GRID2: variants seen among roughly 807,000 people sequenced by gnomAD.
GRID2 encodes glutamate receptor ionotropic, delta-2.
Under a neutral mutation model 114.8 loss-of-function variants are expected in GRID2, and 33 were observed. The ratio of observed to expected loss-of-function variants is 0.29; its 90% CI spans 0.22 to 0.38. GRID2 has a LOEUF of 0.38. Ranked by LOEUF, GRID2 falls within the 10% of genes least tolerant of loss-of-function variation. GRID2 has a pLI of 1.00. For synonymous variants in GRID2, 505 were observed against 449.9 expected (o/e 1.12, Z -1.55); for missense variants, 1,184 against 1,257.7 (o/e 0.94, Z 0.89).
chr4:93,382,044 T>C (rs544769604), intron 8 of GRID2, among the ~76,000 whole-genome samples: 1 of 152,232 alleles, frequency 6.6e-6, no homozygotes, highest in African/African-American at 2.4e-5. Context: ...GACAGGTTTA[T>C]TTTCTCTTAG....
chr4:93,575,739 G>A (rs1259156250), intron 13 of GRID2, among the ~76,000 whole-genome samples: 10 of 152,036 alleles, frequency 6.6e-5, no homozygotes, highest in Non-Finnish European at 1.0e-4. Context: ...ATTTGTATCT[G>A]ATCTCTCATC....
chr4:92,425,933 A>G (rs756973155), intron 1 of GRID2, among the ~76,000 whole-genome samples: 11 of 152,048 alleles, frequency 7.2e-5, no homozygotes, highest in Non-Finnish European at 1.6e-4. Flanking sequence ...AATCAGGAAA[A>G]TTATCCTCTA....
intron 2 of GRID2, among the ~76,000 whole-genome samples, chr4:92,811,842 T>G (rs1214306750): frequency 1.3e-5 from 2 of 152,080 alleles, no homozygotes; most frequent in African/African-American, 2.4e-5. Flanking sequence ...AAAGAGGTAA[T>G]CAAATAATTC....
intron 2 of GRID2, among the ~76,000 whole-genome samples, chr4:92,720,172 A>AC (rs1553920385): frequency 6.7e-4 from 101 of 151,820 alleles, no homozygotes; most frequent in African/African-American, 2.1e-3. Context: ...AATTTTCAGC[A>AC]TTTTTTTTAA....
At position 92,725,905 on chromosome 4, in the gene GRID2, A is replaced by G. The variant is rs191803811; in HGVS notation, c.244+135619A>G. On this transcript the variant is annotated intron_variant, in intron 2 of 15. Transcript: ENST00000282020. ...CTTAGCTTTTATAGCAGAACATATA[A>G]AAAGCGGAAGTAAGCACAAAATGAA... Among the ~76,000 whole-genome samples the G allele has an allele frequency of 7.8e-4, 119 of 152,254 alleles. 2 individuals carry two copies. Among genetic ancestry groups the G allele is most frequent in the Middle Eastern group, 6.8e-3 (2 of 294 alleles).
chr4:93,157,127 G>T (rs1167538173), intron 4 of GRID2, among the ~76,000 whole-genome samples: 1 of 151,632 alleles, frequency 6.6e-6, no homozygotes, highest in Non-Finnish European at 1.5e-5. Flanking sequence ...CAGATCCCAT[G>T]TACCTGGTAG....
At chr4:93,523,553 C>T (rs1730541099) in intron 13 of GRID2, among the ~76,000 whole-genome samples, 1 of 152,134 alleles carries the variant, frequency 6.6e-6, no homozygotes, top group Non-Finnish European at 1.5e-5. Flanking sequence ...AAACAGTAAT[C>T]TGGAAATTTC....
chr4:92,485,243 T>C (rs1020714136), intron 1 of GRID2, among the ~76,000 whole-genome samples: 2 of 146,046 alleles, frequency 1.4e-5, no homozygotes, highest in Non-Finnish European at 1.5e-5. Flanking sequence ...ATTTATTTGC[T>C]TATATGGCTT....
At chr4:92,932,135 A>G (rs1750286338) in intron 2 of GRID2, among the ~76,000 whole-genome samples, 1 of 151,306 alleles carries the variant, frequency 6.6e-6, no homozygotes, top group Admixed American at 6.6e-5. Flanking sequence ...GATAAGAAAA[A>G]GAGTCGGGAA....
chr4:93,808,051 C>A (rs1735066098), exon 2 of GRID2: 1 of 152,134 alleles, frequency 6.6e-6, no homozygotes. Flanking sequence ...TTAAAGCCAA[C>A]AAGCAGCAGT....
chr4:93,681,925 C>T (rs140851838), intron 14 of GRID2, among the ~76,000 whole-genome samples: 7,838 of 150,878 alleles, frequency 0.052, 361 homozygotes, highest in African/African-American at 0.1. Context: ...CCAAAATTGA[C>T]GAATGGGATC....
chr4:92,557,585 A>C (rs1726910882), intron 1 of GRID2, among the ~76,000 whole-genome samples: 2 of 149,934 alleles, frequency 1.3e-5, no homozygotes, highest in African/African-American at 4.9e-5. Context: ...AATATATATA[A>C]TATATACCTT....
At position 92,894,905 on chromosome 4, in the gene GRID2, G is replaced by A. The variant is rs1578407707; in HGVS notation, c.245-190090G>A. 2.6e-5 allele frequency among the ~76,000 whole-genome samples: 4 copies of A among 152,070 alleles called. No individual in the cohort carries two copies. The South Asian group carries it at 8.3e-4, about 32-fold the overall frequency. The stretch of plus-strand genomic sequence containing the variant: ...CAGTCTGCTTCTTGGGCAGGTCAAG[G>A]GGAGTTCTTGAAATAGAATTAAGAT... On this transcript the variant is annotated intron_variant, in intron 2 of 15. Transcript: ENST00000282020.
intron 8 of GRID2, among the ~76,000 whole-genome samples, chr4:93,379,961 A>G (rs192401970): frequency 3.3e-5 from 5 of 152,176 alleles, no homozygotes; most frequent in Admixed American, 6.6e-5. Context: ...CAGACCTCAT[A>G]AAAAGCTTGA....
chr4:92,423,632 A>G (rs1224688033), intron 1 of GRID2, among the ~76,000 whole-genome samples: 1 of 152,144 alleles, frequency 6.6e-6, no homozygotes, highest in Non-Finnish European at 1.5e-5. Context: ...GGAGGGAGTA[A>G]TGCTTCTTAT....
chr4:92,829,643 T>C (rs976305742), intron 2 of GRID2, among the ~76,000 whole-genome samples: 5 of 152,136 alleles, frequency 3.3e-5, no homozygotes, highest in African/African-American at 1.2e-4. Context: ...ATATGTTTAT[T>C]GCAGCACTAT....
chr4:93,670,071 T>A (rs535510654), intron 14 of GRID2, among the ~76,000 whole-genome samples: 38 of 152,304 alleles, frequency 2.5e-4, no homozygotes, highest in African/African-American at 8.9e-4. Context: ...ATATAAAGTC[T>A]ACACATAGAT....
intron 13 of GRID2, among the ~76,000 whole-genome samples, chr4:93,556,365 C>T (rs144468879): frequency 4.5e-4 from 69 of 152,244 alleles, no homozygotes; most frequent in African/African-American, 1.4e-3. Flanking sequence ...GTTGAGTAAA[C>T]GTTAGAGGAA....
chr4:92,337,461 G>T (rs1383004033), intron 1 of GRID2, among the ~76,000 whole-genome samples: 2 of 152,078 alleles, frequency 1.3e-5, no homozygotes, highest in African/African-American at 2.4e-5. Context: ...ACTGAGTGAG[G>T]AAAGCAGAAT....
Sources: allele counts gnomAD v4.1 joint callset (sites outside exome capture counted in the v4.1 genomes callset), GRCh38; gene constraint gnomAD v4.1.1; transcripts MANE v1.5; gene names NCBI Gene and HGNC (gene_info 2026-07-23, HGNC 2026-07-21).